Variants in RBFOX1 observed in about 807,000 individuals in gnomAD.
RBFOX1 encodes the protein RNA binding fox-1 homolog 1.
In RBFOX1, 8 loss-of-function variants were observed where a neutral mutation model predicts 57.7. The ratio of observed to expected loss-of-function variants is 0.14; its 90% CI spans 0.08 to 0.25. The LOEUF (loss-of-function observed/expected upper bound fraction) is 0.25, where lower values mean the gene tolerates loss of function less well. Among genes scored for constraint, RBFOX1 ranks in the 10% least tolerant of loss-of-function variants. RBFOX1 has a pLI of 1.00. For missense variants in RBFOX1, 611 were observed against 548.5 expected (o/e 1.11, Z -1.14); for synonymous variants, 326 against 222.4 (o/e 1.47, Z -4.15).
intron 3 of RBFOX1, among the ~76,000 whole-genome samples, chr16:6,661,574 G>A (rs1377623805): frequency 6.6e-6 from 1 of 152,202 alleles, no homozygotes; most frequent in African/African-American, 2.4e-5. Flanking sequence ...ACTTAAACTA[G>A]TATGAAGAAC....
At chr16:6,932,395 C>T (rs1365386674) in intron 3 of RBFOX1, among the ~76,000 whole-genome samples, 2 of 152,182 alleles carry the variant, frequency 1.3e-5, no homozygotes, top group African/African-American at 2.4e-5. Context: ...GCATGAGCCA[C>T]CATGCCCAGC....
At chr16:5,899,354 T>C (rs916751129) in intron 4 of RBFOX1, among the ~76,000 whole-genome samples, 3 of 152,034 alleles carry the variant, frequency 2.0e-5, no homozygotes, top group African/African-American at 4.8e-5. Flanking sequence ...CTGTCCATTA[T>C]AGGGGAAACT....
chr16:6,626,393 C>A (rs552653424), intron 2 of RBFOX1, among the ~76,000 whole-genome samples: 2 of 152,224 alleles, frequency 1.3e-5, no homozygotes, highest in African/African-American at 4.8e-5. Context: ...AGGGCTGATT[C>A]ATCATTCTTC....
At chr16:7,079,614 C>CATTTCTGAG (rs2058847204) in intron 4 of RBFOX1, among the ~76,000 whole-genome samples, 1 of 152,156 alleles carries the variant, frequency 6.6e-6, no homozygotes, top group Admixed American at 6.5e-5. Context: ...TGAATAAGTA[C>CATTTCTGAG]CTCATAAAGC....
chr16:6,965,451 C>T (rs2083926001), intron 3 of RBFOX1, among the ~76,000 whole-genome samples: 1 of 151,976 alleles, frequency 6.6e-6, no homozygotes, highest in Admixed American at 6.6e-5. Flanking sequence ...ATTCTTCTGC[C>T]TAAACCTCCC....
intron 2 of RBFOX1, among the ~76,000 whole-genome samples, chr16:5,512,957 C>T (rs970875065): frequency 6.6e-6 from 1 of 152,190 alleles, no homozygotes; most frequent in Non-Finnish European, 1.5e-5. Context: ...AGTTTGTCAA[C>T]CAGGCAGGAG....
intron 4 of RBFOX1, among the ~76,000 whole-genome samples, chr16:7,478,789 T>C (rs1025019368): frequency 6.6e-6 from 1 of 152,182 alleles, no homozygotes; most frequent in African/African-American, 2.4e-5. Context: ...ACTTGCTAAA[T>C]AAATGGATCT....
At chr16:6,838,936 ATTT>A (rs529600366) in intron 3 of RBFOX1, among the ~76,000 whole-genome samples, 1 of 148,146 alleles carries the variant, frequency 6.8e-6, no homozygotes, top group Non-Finnish European at 1.5e-5. Context: ...CTGGTTTTTG[ATTT>A]TTTTTTTTAA....
At chr16:6,626,446 C>T (rs1833172) in intron 2 of RBFOX1, among the ~76,000 whole-genome samples, 14,410 of 152,138 alleles carry the variant, frequency 0.095, 1,046 homozygotes, top group East Asian at 0.42. Context: ...AATAGATACA[C>T]ACACTCAACA....
At chr16:6,423,369 C>T (rs1298221415) in intron 2 of RBFOX1, among the ~76,000 whole-genome samples, 1 of 152,154 alleles carries the variant, frequency 6.6e-6, no homozygotes, top group East Asian at 1.9e-4. Context: ...GAGGCCGAGG[C>T]AGGCAGATCA....
chr16:6,547,891 T>G (rs2096918049), intron 2 of RBFOX1, among the ~76,000 whole-genome samples: 1 of 152,178 alleles, frequency 6.6e-6, no homozygotes, highest in African/African-American at 2.4e-5. Context: ...TTTCTCACGG[T>G]TAGGATGCTG....
At chr16:5,272,831 T>G (rs1030982694) in intron 1 of RBFOX1, among the ~76,000 whole-genome samples, 2 of 152,182 alleles carry the variant, frequency 1.3e-5, no homozygotes, top group African/African-American at 4.8e-5. Flanking sequence ...TAACCTTCAC[T>G]CTTCTCTGCA....
intron 3 of RBFOX1, among the ~76,000 whole-genome samples, chr16:5,740,441 A>G (rs1274424537): frequency 6.6e-6 from 1 of 152,256 alleles, no homozygotes; most frequent in Non-Finnish European, 1.5e-5. Context: ...ACACTATTCA[A>G]AGCACATTGT....
chr16:7,607,124 G>A (rs972699790), intron 9 of RBFOX1, among the ~76,000 whole-genome samples, 161 bp from the exon 10 acceptor site: 10 of 152,072 alleles, frequency 6.6e-5, no homozygotes, highest in African/African-American at 2.2e-4. Flanking sequence ...ATTTTCTTAT[G>A]TGTGGTTTTT....
At chr16:6,847,370 G>T (rs189223413) in intron 3 of RBFOX1, among the ~76,000 whole-genome samples, 1 of 152,072 alleles carries the variant, frequency 6.6e-6, no homozygotes, top group Non-Finnish European at 1.5e-5. Flanking sequence ...TCTTCAATCT[G>T]CCCTATGTGT....
intron 2 of RBFOX1, among the ~76,000 whole-genome samples, chr16:5,545,302 A>G (rs1597466943): frequency 1.6e-5 from 2 of 123,938 alleles, no homozygotes; most frequent in African/African-American, 2.9e-5. Flanking sequence ...CAAATATTAA[A>G]GAAATAATAT....
At chr16:6,888,160 A>C (rs2064563562) in intron 3 of RBFOX1, among the ~76,000 whole-genome samples, 1 of 152,206 alleles carries the variant, frequency 6.6e-6, no homozygotes, top group African/African-American at 2.4e-5. Context: ...AACAGTAGGC[A>C]GTAGTTGTGA....
At chr16:7,363,886 C>T (rs2097381222) in intron 4 of RBFOX1, among the ~76,000 whole-genome samples, 1 of 152,056 alleles carries the variant, frequency 6.6e-6, no homozygotes, top group Non-Finnish European at 1.5e-5. Context: ...CACATGTTGG[C>T]TTCTGGGCTT....
intron 1 of RBFOX1, among the ~76,000 whole-genome samples, chr16:5,282,747 C>T (rs182232114): frequency 6.6e-6 from 1 of 152,250 alleles, no homozygotes; most frequent in East Asian, 1.9e-4. Context: ...TAAAGGCACT[C>T]AGTTTTATAA....
Sources: allele counts gnomAD v4.1 joint callset (sites outside exome capture counted in the v4.1 genomes callset), GRCh38; gene constraint gnomAD v4.1.1; transcripts MANE v1.5; gene names NCBI Gene and HGNC (gene_info 2026-07-23, HGNC 2026-07-21).